The following WFDC11 variants were observed in gnomAD, a reference collection of about 807,000 sequenced individuals.
The protein encoded by WFDC11 is WAP four-disulfide core domain 11, also known as protein WFDC11.
In WFDC11, 9 loss-of-function variants were observed where a neutral mutation model predicts 9.9. That is an observed-to-expected ratio of 0.91 (90% CI 0.55 to 1.58). The LOEUF (loss-of-function observed/expected upper bound fraction) is 1.58. WFDC11 is among the 40% of genes most tolerant of loss of function. WFDC11 has a pLI of 0.00. For synonymous variants in WFDC11, 32 were observed against 33.3 expected (o/e 0.96, Z 0.13); for missense variants, 106 against 101.7 (o/e 1.04, Z -0.18).
chr20:45,649,688 A>G (rs1982759825), intron 3 of WFDC11, among the ~76,000 whole-genome samples: 1 of 152,018 alleles, frequency 6.6e-6, no homozygotes, highest in South Asian at 2.1e-4. Context: ...CAACGATAAA[A>G]CTCAGTCAAC....
At chr20:45,664,641 G>A (rs955024572) in intron 2 of WFDC11, among the ~76,000 whole-genome samples, 11 of 152,130 alleles carry the variant, frequency 7.2e-5, no homozygotes, top group African/African-American at 2.7e-4. Flanking sequence ...AGCATTTCTT[G>A]TCTGTAAAGG....
intron 3 of WFDC11, among the ~76,000 whole-genome samples, chr20:45,650,171 C>T (rs1024924224): frequency 6.6e-6 from 1 of 151,806 alleles, no homozygotes; most frequent in African/African-American, 2.4e-5. Flanking sequence ...GACAGCCTAA[C>T]ATTGGAAAAT....
At chr20:45,654,295 A>C (rs1472547269) in intron 2 of WFDC11, among the ~76,000 whole-genome samples, 37 of 152,268 alleles carry the variant, frequency 2.4e-4, no homozygotes, top group Admixed American at 2.1e-3. Context: ...AACCACTCAA[A>C]TACTTGGAAA....
intron 2 of WFDC11, among the ~76,000 whole-genome samples, chr20:45,657,500 G>A (rs1301327871): frequency 6.6e-6 from 1 of 151,900 alleles, no homozygotes; most frequent in African/African-American, 2.4e-5. Context: ...GAGTTACTGG[G>A]TGCAGCACAC....
At chr20:45,660,863 G>A (rs1983044262) in intron 2 of WFDC11, among the ~76,000 whole-genome samples, 2 of 152,142 alleles carry the variant, frequency 1.3e-5, no homozygotes, top group South Asian at 4.1e-4. Context: ...TGTGAATAGT[G>A]CCTCAATAAA....
Position 45,649,243 on chromosome 20 carries a change from A to G in WFDC11, c.243+14T>C, listed in dbSNP as rs779622640. On this transcript the variant is annotated intron_variant, in intron 4 of 4. Transcript: ENST00000324384. ...AGTGAAGATATACACCCAAGCAAAC[A>G]TCTCCCAACTCACGACGTTTATCCA... The G allele has an allele frequency of 1.1e-5, 18 of 1,613,682 alleles. No homozygotes were observed. Among genetic ancestry groups the G allele is most frequent in the African/African-American group, 1.3e-5 (1 of 74,890 alleles).
At chr20:45,662,860 G>A (rs909188529) in intron 2 of WFDC11, among the ~76,000 whole-genome samples, 1 of 152,180 alleles carries the variant, frequency 6.6e-6, no homozygotes, top group African/African-American at 2.4e-5. Flanking sequence ...ATGTTCATCA[G>A]GGATATTGGT....
At chr20:45,657,618 G>A (rs768095980) in intron 2 of WFDC11, among the ~76,000 whole-genome samples, 4 of 151,860 alleles carry the variant, frequency 2.6e-5, no homozygotes, top group Non-Finnish European at 5.9e-5. Flanking sequence ...GTCTGCAGTG[G>A]TTTCACTGTT....
chr20:45,651,707 C>T (rs139443267), intron 2 of WFDC11, among the ~76,000 whole-genome samples: 68 of 150,094 alleles, frequency 4.5e-4, no homozygotes, highest in African/African-American at 8.6e-4. Context: ...GGGTGACAGA[C>T]GGCACCTGGA....
At chr20:45,649,473 G>T (rs754684747) in intron 3 of WFDC11, 74 bp from the exon 4 acceptor site, 1 of 1,542,854 alleles carries the variant, frequency 6.5e-7, no homozygotes, top group Non-Finnish European at 8.8e-7. Context: ...CCTTTCATAC[G>T]TTTAACAGTT....
chr20:45,651,416 A>T (rs1166046420), intron 2 of WFDC11, among the ~76,000 whole-genome samples: 1 of 152,162 alleles, frequency 6.6e-6, no homozygotes, highest in Non-Finnish European at 1.5e-5. Context: ...TTGTTGTTGC[A>T]TAATATTCCA....
chr20:45,650,211 T>TATAC (rs1555803258), intron 3 of WFDC11, among the ~76,000 whole-genome samples: 5 of 150,486 alleles, frequency 3.3e-5, no homozygotes, highest in African/African-American at 4.9e-5. Context: ...ATGGTATATA[T>TATAC]ACACACACAC....
chr20:45,649,472 C>T (rs1600934715), intron 3 of WFDC11, 73 bp from the exon 4 acceptor site: 21 of 1,548,856 alleles, frequency 1.4e-5, no homozygotes, highest in South Asian at 4.8e-5. Context: ...GCCTTTCATA[C>T]GTTTAACAGT....
chr20:45,658,280 T>C (rs1982978749), intron 2 of WFDC11, among the ~76,000 whole-genome samples: 1 of 152,184 alleles, frequency 6.6e-6, no homozygotes, highest in South Asian at 2.1e-4. Context: ...AATACAGTAT[T>C]GCTAACTAAG....
chr20:45,655,562 A>G lies in WFDC11; in HGVS notation c.-51-4911T>C, dbSNP rs149422076. Among the ~76,000 whole-genome samples the G allele has an allele frequency of 5.3e-4, 80 of 152,298 alleles. No homozygotes were observed. The East Asian group carries it at 0.012, about 23-fold the overall frequency. On this transcript the variant is annotated intron_variant, in intron 2 of 4. Coordinates refer to ENST00000324384, the MANE Select transcript of WFDC11 (RefSeq NM_147197.2). ...CTCTCTCACCACTCCTATTCAACAT[A>G]GTGTTGGAAGTTCTGGCCAGGGCAA...
intron 2 of WFDC11, among the ~76,000 whole-genome samples, chr20:45,665,146 T>C (rs1185792092): frequency 6.6e-6 from 1 of 152,248 alleles, no homozygotes; most frequent in Non-Finnish European, 1.5e-5. Context: ...CCTTGTCTTT[T>C]CACTTTATTT....
chr20:45,654,299 T>A (rs1157576441), intron 2 of WFDC11, among the ~76,000 whole-genome samples: 38 of 152,130 alleles, frequency 2.5e-4, no homozygotes, highest in Admixed American at 2.1e-3. Context: ...ACTCAAATAC[T>A]TGGAAACTGA....
At chr20:45,649,662 C>A (rs1982759191) in intron 3 of WFDC11, among the ~76,000 whole-genome samples, 1 of 152,180 alleles carries the variant, frequency 6.6e-6, no homozygotes, top group Non-Finnish European at 1.5e-5. Flanking sequence ...GGCCTCTGGG[C>A]CCTCTCTGAG....
intron 2 of WFDC11, among the ~76,000 whole-genome samples, chr20:45,651,739 A>G (rs1982811567): frequency 6.6e-6 from 1 of 152,230 alleles, no homozygotes; most frequent in Non-Finnish European, 1.5e-5. Flanking sequence ...CTCCGACCCT[A>G]ATACTGCGCT....
Sources: allele counts gnomAD v4.1 joint callset (sites outside exome capture counted in the v4.1 genomes callset), GRCh38; gene constraint gnomAD v4.1.1; transcripts MANE v1.5; gene names NCBI Gene and HGNC (gene_info 2026-07-23, HGNC 2026-07-21).